The following CYP19A1 variants were observed in gnomAD, a reference collection of about 807,000 sequenced individuals.
The protein encoded by CYP19A1 is cytochrome P450 family 19 subfamily A member 1.
Under a neutral mutation model 44.4 loss-of-function variants are expected in CYP19A1, and 32 were observed. The observed-to-expected ratio is 0.72, with a 90% confidence interval of 0.54 to 0.97. The LOEUF (loss-of-function observed/expected upper bound fraction) is 0.97. Among genes scored for constraint, CYP19A1 ranks in the 50% least tolerant of loss-of-function variants. The pLI, the probability that CYP19A1 is intolerant of heterozygous loss-of-function variation, is 0.00. For synonymous variants in CYP19A1, 212 were observed against 215.6 expected (o/e 0.98, Z 0.14); for missense variants, 598 against 637.8 (o/e 0.94, Z 0.67).
chr15:51,282,071 C>T (rs1172892282), intron 1 of CYP19A1, among the ~76,000 whole-genome samples: 4 of 152,202 alleles, frequency 2.6e-5, no homozygotes, highest in African/African-American at 9.6e-5. Context: ...ATCCTTGTCA[C>T]AGTCCACAGG....
At chr15:51,248,428 A>G (rs2034160924) in intron 1 of CYP19A1, among the ~76,000 whole-genome samples, 1 of 152,206 alleles carries the variant, frequency 6.6e-6, no homozygotes, top group Non-Finnish European at 1.5e-5. Context: ...CCTCTGAGTG[A>G]CTTTGTAATG....
chr15:51,216,199 G>C (rs562176723), intron 6 of CYP19A1, among the ~76,000 whole-genome samples: 1 of 152,096 alleles, frequency 6.6e-6, no homozygotes, highest in East Asian at 1.9e-4. Flanking sequence ...GTGCTCTTCA[G>C]TTTGCCACAG....
intron 1 of CYP19A1, among the ~76,000 whole-genome samples, chr15:51,288,457 G>C (rs555808295): frequency 3.3e-5 from 5 of 152,152 alleles, no homozygotes; most frequent in African/African-American, 1.2e-4. Flanking sequence ...GAAACCTGGA[G>C]TCTTGCACCT....
intron 1 of CYP19A1, among the ~76,000 whole-genome samples, chr15:51,303,940 G>C (rs1369779030): frequency 2.0e-5 from 3 of 152,196 alleles, no homozygotes; most frequent in Admixed American, 1.3e-4. Context: ...CAAGATGCAG[G>C]ATGCAGCAGG....
chr15:51,247,656 G>A (rs1364194780), intron 1 of CYP19A1, among the ~76,000 whole-genome samples: 1 of 151,972 alleles, frequency 6.6e-6, no homozygotes, highest in Non-Finnish European at 1.5e-5. Context: ...ATTTTTAGTA[G>A]GGAGGATAGG....
chr15:51,246,106 T>A (rs961567045), intron 1 of CYP19A1, among the ~76,000 whole-genome samples: 1 of 152,236 alleles, frequency 6.6e-6, no homozygotes, highest in East Asian at 1.9e-4. Flanking sequence ...CTCTCCTGAA[T>A]GCACATTGGT....
At chr15:51,295,668 C>T (rs923192536) in intron 1 of CYP19A1, among the ~76,000 whole-genome samples, 1 of 152,188 alleles carries the variant, frequency 6.6e-6, no homozygotes, top group Non-Finnish European at 1.5e-5. Context: ...AAAACCAAGT[C>T]TAAACTCAGA....
intron 1 of CYP19A1, among the ~76,000 whole-genome samples, chr15:51,335,141 T>A (rs1418677701): frequency 2.2e-5 from 3 of 137,604 alleles, no homozygotes; most frequent in African/African-American, 5.3e-5. Flanking sequence ...GACAATTGGG[T>A]ACACTACACT....
intron 1 of CYP19A1, among the ~76,000 whole-genome samples, chr15:51,269,393 C>T (rs746936085): frequency 1.3e-5 from 2 of 151,732 alleles, no homozygotes; most frequent in African/African-American, 2.4e-5. Flanking sequence ...TATTTTTTGC[C>T]AACACAAAAC....
chr15:51,241,011 G>C (rs1476262703), intron 2 of CYP19A1, among the ~76,000 whole-genome samples: 1 of 152,162 alleles, frequency 6.6e-6, no homozygotes, highest in Non-Finnish European at 1.5e-5. Flanking sequence ...ATCAGGAAGG[G>C]AGATTTTTTT....
At chr15:51,235,326 C>A (rs2033320189) in intron 3 of CYP19A1, among the ~76,000 whole-genome samples, 1 of 152,182 alleles carries the variant, frequency 6.6e-6, no homozygotes, top group Admixed American at 6.5e-5. Context: ...GATCGCGGGT[C>A]CTACCCCAGA....
At chr15:51,328,941 A>T (rs897008245) in intron 1 of CYP19A1, among the ~76,000 whole-genome samples, 2 of 152,176 alleles carry the variant, frequency 1.3e-5, no homozygotes, top group Non-Finnish European at 2.9e-5. Flanking sequence ...CTTCAGATAC[A>T]AACTGAAACA....
intron 1 of CYP19A1, among the ~76,000 whole-genome samples, chr15:51,269,383 T>A (rs909210196): frequency 6.6e-6 from 1 of 152,214 alleles, no homozygotes; most frequent in Non-Finnish European, 1.5e-5. Context: ...TCTATATGTT[T>A]ATTTTTTGCC....
Position 51,208,311 on chromosome 15 carries a change from A to G in CYP19A1, c.*2497T>C, listed in dbSNP as rs752484173. 3 of 152,182 alleles carry G rather than the reference A, an allele frequency of 2.0e-5. No individual in the cohort carries two copies. The highest frequency in any genetic ancestry group is 2.9e-5 in the Non-Finnish European group (2 of 68,002). The allele number at this position is 152,182 out of a possible 1,614,324, so 9.4% of individuals were successfully genotyped here. ...ATTATTTTCCACTTGAGAGGGGGAA[A>G]ATGGGATCTCAATGAAGGCATGGGG... On this transcript the variant is annotated 3_prime_UTR_variant, in exon 10 of 10. Transcript: ENST00000396402.
chr15:51,235,365 C>T (rs1032474250), intron 3 of CYP19A1, among the ~76,000 whole-genome samples: 8 of 152,128 alleles, frequency 5.3e-5, no homozygotes, highest in African/African-American at 1.7e-4. Flanking sequence ...CAGGGTGGGG[C>T]CCAAGAACGT....
chr15:51,237,166 C>G (rs1268874203), intron 2 of CYP19A1, among the ~76,000 whole-genome samples, 157 bp from the exon 3 acceptor site: 1 of 152,122 alleles, frequency 6.6e-6, no homozygotes, highest in Non-Finnish European at 1.5e-5. Flanking sequence ...CAAAACAAAA[C>G]AAAACAAAAG....
At chr15:51,234,257 C>G (rs1378136665) in intron 3 of CYP19A1, among the ~76,000 whole-genome samples, 1 of 152,158 alleles carries the variant, frequency 6.6e-6, no homozygotes, top group East Asian at 1.9e-4. Flanking sequence ...CAAAATTGAA[C>G]TGCTCTGAGG....
chr15:51,252,941 T>A (rs1341811824), intron 1 of CYP19A1, among the ~76,000 whole-genome samples: 1 of 152,132 alleles, frequency 6.6e-6, no homozygotes, highest in Non-Finnish European at 1.5e-5. Flanking sequence ...CACCTATGGC[T>A]TTATGAGTAG....
chr15:51,304,064 A>G (rs2036166238), intron 1 of CYP19A1, among the ~76,000 whole-genome samples: 1 of 152,252 alleles, frequency 6.6e-6, no homozygotes, highest in Admixed American at 6.5e-5. Flanking sequence ...GGAGAAAAAT[A>G]GACGATCAGG....
Sources: gnomAD v4.1 joint callset for allele counts (sites outside exome capture counted in the v4.1 genomes callset) on GRCh38, gnomAD v4.1.1 for gene constraint, MANE v1.5 for transcripts, NCBI Gene and HGNC (gene_info 2026-07-23, HGNC 2026-07-21) for gene names.